IGFL2: variants seen among roughly 807,000 people sequenced by gnomAD.
IGFL2 encodes IGF like family member 2.
A neutral mutation model predicts 13.9 loss-of-function variants in IGFL2; 7 were observed. The ratio of observed to expected loss-of-function variants is 0.51; its 90% CI spans 0.29 to 0.95. The LOEUF (loss-of-function observed/expected upper bound fraction) is 0.95. Among genes scored for constraint, IGFL2 ranks in the 40% least tolerant of loss-of-function variants. The pLI is 0.08. For synonymous variants in IGFL2, 55 were observed against 55.8 expected (o/e 0.99, Z 0.07); for missense variants, 138 against 147.8 (o/e 0.93, Z 0.34).
chr19:46,094,012 G>C, the IGFL2 span, among the ~76,000 whole-genome samples: 2 of 144,776 alleles, frequency 1.4e-5, no homozygotes, highest in Non-Finnish European at 3.0e-5. Flanking sequence ...TACATTCAAA[G>C]CAAACTTAAC....
chr19:46,166,826 C>T, the IGFL2 span, among the ~76,000 whole-genome samples: 4 of 152,176 alleles, frequency 2.6e-5, no homozygotes, highest in South Asian at 4.1e-4. Context: ...GGCTCACCGG[C>T]GGTCAGAGTT....
At chr19:46,115,404 G>A in the IGFL2 span, among the ~76,000 whole-genome samples, 17 of 152,098 alleles carry the variant, frequency 1.1e-4, no homozygotes, top group African/African-American at 3.9e-4. Context: ...AAAATAAGGC[G>A]GCGTCAGTAG....
the IGFL2 span, among the ~76,000 whole-genome samples, chr19:46,167,275 C>G: frequency 1.3e-5 from 2 of 152,290 alleles, no homozygotes; most frequent in South Asian, 2.1e-4. Flanking sequence ...TGGTGCCCAC[C>G]ACTATGACAT....
At chr19:46,160,491 G>A (rs776290094) in intron 2 of IGFL2, 23 bp downstream of exon 2, 1 of 1,613,620 alleles carries the variant, frequency 6.2e-7, no homozygotes, top group Admixed American at 1.7e-5. Flanking sequence ...ATGGGCAAGA[G>A]TGAAGAGGAA....
chr19:46,144,748 G>A (rs190692042), upstream of IGFL2, among the ~76,000 whole-genome samples: 182 of 152,278 alleles, frequency 1.2e-3, no homozygotes, highest in African/African-American at 4.1e-3. Flanking sequence ...ATAGATTCAT[G>A]TAGTCACGAT....
At chr19:46,206,901 G>T in the IGFL2 span, 1 of 152,136 alleles carries the variant, frequency 6.6e-6, no homozygotes, top group East Asian at 1.9e-4. Context: ...GGGCCTGCAG[G>T]ACTCTGGAAA....
the IGFL2 span, among the ~76,000 whole-genome samples, chr19:46,120,947 T>TA: frequency 3.3e-5 from 5 of 150,824 alleles, no homozygotes; most frequent in Non-Finnish European, 7.4e-5. Context: ...CAATTTAAAT[T>TA]AAAAAATTAA....
chr19:46,130,047 T>C, the IGFL2 span, among the ~76,000 whole-genome samples: 1 of 151,766 alleles, frequency 6.6e-6, no homozygotes, highest in East Asian at 1.9e-4. Context: ...GGTGCTCTTG[T>C]GTTGGGTGCA....
chr19:46,166,948 A>G, the IGFL2 span, among the ~76,000 whole-genome samples: 126 of 152,272 alleles, frequency 8.3e-4, 2 homozygotes, highest in Middle Eastern at 0.017. Context: ...TGTAGTTAAC[A>G]CAATTATTAC....
At chr19:46,092,210 C>A in the IGFL2 span, among the ~76,000 whole-genome samples, 12 of 152,086 alleles carry the variant, frequency 7.9e-5, no homozygotes, top group South Asian at 2.5e-3. Flanking sequence ...CCTAGGCTGG[C>A]CTGCAGTGGT....
At chr19:46,084,620 A>G in the IGFL2 span, among the ~76,000 whole-genome samples, 55 of 152,322 alleles carry the variant, frequency 3.6e-4, no homozygotes, top group African/African-American at 1.1e-3. Flanking sequence ...GAAGCTTACA[A>G]TCATGGCAGA....
At chr19:46,137,185 A>G in the IGFL2 span, 3 of 1,598,122 alleles carry the variant, frequency 1.9e-6, no homozygotes, top group Non-Finnish European at 2.6e-6. Context: ...TGCCCATCAC[A>G]AACTTCACAG....
the IGFL2 span, among the ~76,000 whole-genome samples, chr19:46,105,143 G>A: frequency 5.3e-5 from 8 of 152,192 alleles, no homozygotes; most frequent in Non-Finnish European, 1.2e-4. Flanking sequence ...CTTGAGAAGA[G>A]TTTTTATTAA....
At chr19:46,198,462 C>T in the IGFL2 span, 10 of 152,106 alleles carry the variant, frequency 6.6e-5, no homozygotes, top group Non-Finnish European at 1.2e-4. Context: ...AAAATAAATT[C>T]TGCCTCGGTA....
the IGFL2 span, among the ~76,000 whole-genome samples, chr19:46,191,134 T>C: frequency 6.6e-6 from 1 of 152,072 alleles, no homozygotes. Flanking sequence ...CCTTTCTAAA[T>C]TTAACAAAAA....
intron 1 of IGFL2, among the ~76,000 whole-genome samples, chr19:46,151,777 C>T (rs1246293817): frequency 6.6e-6 from 1 of 152,002 alleles, no homozygotes. Context: ...GCCAGGCATG[C>T]GGTGTGCGTC....
At chr19:46,193,275 G>C in the IGFL2 span, among the ~76,000 whole-genome samples, 1,321 of 152,200 alleles carry the variant, frequency 8.7e-3, 19 homozygotes, top group African/African-American at 0.03. Flanking sequence ...GTGAAATGCC[G>C]TGTCGTCCCG....
the IGFL2 span, chr19:46,123,927 C>T: frequency 4.3e-6 from 7 of 1,611,406 alleles, no homozygotes; most frequent in South Asian, 7.7e-5. Flanking sequence ...GACACTGAGA[C>T]TTCATACCCA....
chr19:46,088,250 C>A, the IGFL2 span, among the ~76,000 whole-genome samples: 2 of 152,216 alleles, frequency 1.3e-5, no homozygotes, highest in East Asian at 3.8e-4. Flanking sequence ...ATAAAAGAGG[C>A]AAGTACCCAG....
Sources: gnomAD v4.1 joint callset for allele counts (sites outside exome capture counted in the v4.1 genomes callset) on GRCh38, gnomAD v4.1.1 for gene constraint, MANE v1.5 for transcripts, NCBI Gene and HGNC (gene_info 2026-07-23, HGNC 2026-07-21) for gene names.